The following SEMA3A variants were observed in gnomAD, a reference collection of about 807,000 sequenced individuals.
SEMA3A encodes the protein semaphorin-3A.
In SEMA3A, 29 loss-of-function variants were observed where a neutral mutation model predicts 97.9. The ratio of observed to expected loss-of-function variants is 0.30; its 90% confidence interval spans 0.22 to 0.40. The LOEUF (loss-of-function observed/expected upper bound fraction) is 0.40, where lower values mean the gene tolerates loss of function less well. Ranked by LOEUF, SEMA3A falls within the 10% of genes least tolerant of loss-of-function variation. The probability of loss-of-function intolerance (pLI) is 1.00; values close to 1 mark genes in which losing one functional copy is unlikely to be tolerated. For synonymous variants in SEMA3A, 321 were observed against 323.7 expected, an observed-to-expected ratio of 0.99 and a Z score of 0.09; for missense variants, 763 against 951.3, an observed-to-expected ratio of 0.80 and a Z score of 2.60.
intron 1 of SEMA3A, among the ~76,000 whole-genome samples, chr7:84,387,942 T>C (rs976840412): frequency 8.5e-5 from 13 of 152,118 alleles, no homozygotes; most frequent in Admixed American, 1.3e-4. Context: ...ACAAAAACCA[T>C]GTGAGATAAG....
chr7:84,441,417 C>G (rs1488800945), intron 1 of SEMA3A, among the ~76,000 whole-genome samples: 2 of 150,748 alleles, frequency 1.3e-5, no homozygotes, highest in Non-Finnish European at 3.0e-5. Context: ...AAAAAAAATA[C>G]TAGAGAGATT....
At chr7:84,418,645 G>A (rs749115163) in intron 1 of SEMA3A, among the ~76,000 whole-genome samples, 2 of 151,956 alleles carry the variant, frequency 1.3e-5, no homozygotes, top group Non-Finnish European at 2.9e-5. Context: ...CTCTCCTCCT[G>A]CCCTTGGACA....
intron 3 of SEMA3A, among the ~76,000 whole-genome samples, chr7:84,226,039 C>T (rs1330377557): frequency 6.6e-6 from 1 of 152,012 alleles, no homozygotes; most frequent in Admixed American, 6.6e-5. Context: ...ATGCATATTG[C>T]ATATATGGTA....
intron 1 of SEMA3A, among the ~76,000 whole-genome samples, chr7:84,136,406 G>A (rs190927371): frequency 1.3e-5 from 2 of 152,214 alleles, no homozygotes; most frequent in East Asian, 3.9e-4. Context: ...AGCACTAAAG[G>A]TCAGGTCACT....
intron 4 of SEMA3A, among the ~76,000 whole-genome samples, chr7:84,094,399 G>A (rs2057846): frequency 0.41 from 62,656 of 151,072 alleles, 14,820 homozygotes; most frequent in Admixed American, 0.52. Context: ...CTTAAAGTAC[G>A]TATATTTTCA....
At chr7:84,160,216 T>C (rs1446508563) in intron 1 of SEMA3A, among the ~76,000 whole-genome samples, 1 of 143,860 alleles carries the variant, frequency 7.0e-6, no homozygotes, top group African/African-American at 2.6e-5. Flanking sequence ...AAAAAAACTA[T>C]CAATCTGTCT....
At chr7:84,136,025 C>T (rs1472826450) in intron 1 of SEMA3A, among the ~76,000 whole-genome samples, 1 of 152,004 alleles carries the variant, frequency 6.6e-6, no homozygotes, top group Non-Finnish European at 1.5e-5. Context: ...TAATTATTGG[C>T]TTCTTAAAAA....
chr7:84,126,200 ATTTAT>A (rs1435308197), intron 3 of SEMA3A, among the ~76,000 whole-genome samples: 4 of 151,964 alleles, frequency 2.6e-5, no homozygotes, highest in East Asian at 1.9e-4. Flanking sequence ...TGTGTGAGTT[ATTTAT>A]TTTATTTTAC....
chr7:83,983,967 C>T (rs577778540), intron 13 of SEMA3A, among the ~76,000 whole-genome samples: 7 of 152,146 alleles, frequency 4.6e-5, no homozygotes, highest in South Asian at 2.1e-4. Flanking sequence ...CATATCTGAA[C>T]GAAATCAAAT....
At position 83,961,445 on chromosome 7, in the gene SEMA3A, T is replaced by C; in HGVS notation, c.2242A>G (p.Lys748Glu). ...CCTTTCTTATTTTCTTGTAAGTGCT[T>C]CCATTTGTTACTGTTCCCTGGGGTA... ...GHTPGNSNKW[K>E]HLQENKKGRN... Residue 748 changes from lysine to glutamate, a missense_variant, in exon 17 of 17, where the codon AAG becomes GAG. Coordinates refer to ENST00000265362, the MANE Select transcript of SEMA3A (RefSeq NM_006080.3). The C allele has an allele frequency of 6.2e-7, 1 of 1,614,116 alleles. No homozygotes were observed. Among genetic ancestry groups the C allele is most frequent in the Non-Finnish European group, 8.5e-7 (1 of 1,179,962 alleles).
intron 4 of SEMA3A, among the ~76,000 whole-genome samples, chr7:84,108,151 T>G (rs1795163836): frequency 6.6e-6 from 1 of 152,172 alleles, no homozygotes; most frequent in African/African-American, 2.4e-5. Flanking sequence ...AATGTTTAAC[T>G]TTCACAACTG....
chr7:84,124,987 T>C (rs899466223), intron 3 of SEMA3A, among the ~76,000 whole-genome samples: 31 of 151,966 alleles, frequency 2.0e-4, no homozygotes, highest in African/African-American at 6.5e-4. Context: ...ATCAGCAAAA[T>C]AGTATGAAAT....
intron 1 of SEMA3A, among the ~76,000 whole-genome samples, chr7:84,396,289 A>G (rs556434134): frequency 6.6e-6 from 1 of 151,696 alleles, no homozygotes; most frequent in Non-Finnish European, 1.5e-5. Flanking sequence ...AGAAATCAGC[A>G]ACAGGGTCAA....
At chr7:84,396,087 G>A (rs1803724263) in intron 1 of SEMA3A, among the ~76,000 whole-genome samples, 1 of 151,940 alleles carries the variant, frequency 6.6e-6, no homozygotes, top group Non-Finnish European at 1.5e-5. Context: ...GACATAGAAA[G>A]TGAATTAAGG....
intron 1 of SEMA3A, among the ~76,000 whole-genome samples, chr7:84,376,830 AT>A (rs923647243): frequency 6.6e-6 from 1 of 151,174 alleles, no homozygotes; most frequent in Non-Finnish European, 1.5e-5. Flanking sequence ...TTATTTGCAT[AT>A]TTTTAATCAG....
At chr7:84,193,852 A>T (rs748853459) in intron 1 of SEMA3A, among the ~76,000 whole-genome samples, 4 of 152,020 alleles carry the variant, frequency 2.6e-5, no homozygotes, top group Non-Finnish European at 5.9e-5. Flanking sequence ...TATAGAATTA[A>T]ATAACATAAT....
intron 1 of SEMA3A, among the ~76,000 whole-genome samples, chr7:84,150,689 G>A (rs903335545): frequency 6.6e-6 from 1 of 152,148 alleles, no homozygotes; most frequent in African/African-American, 2.4e-5. Flanking sequence ...GCCCAGGCTT[G>A]ATTAGGTAAA....
At chr7:84,024,718 G>A (rs540484013) in intron 6 of SEMA3A, among the ~76,000 whole-genome samples, 1 of 152,172 alleles carries the variant, frequency 6.6e-6, no homozygotes, top group Non-Finnish European at 1.5e-5. Context: ...CTTCAAAATT[G>A]CTAGCTGTTA....
intron 2 of SEMA3A, among the ~76,000 whole-genome samples, chr7:84,352,282 T>C (rs1802456208): frequency 6.6e-6 from 1 of 151,918 alleles, no homozygotes; most frequent in Non-Finnish European, 1.5e-5. Context: ...TACACAAATA[T>C]AGTTAGACGA....
Sources: gnomAD v4.1 joint callset for allele counts (sites outside exome capture counted in the v4.1 genomes callset) on GRCh38, gnomAD v4.1.1 for gene constraint, MANE v1.5 for transcripts, NCBI Gene and HGNC (gene_info 2026-07-23, HGNC 2026-07-21) for gene names.